WDR5: variants seen among roughly 807,000 people sequenced by gnomAD.
WDR5 encodes WD repeat-containing protein 5.
For missense variants in WDR5, 187 were observed against 416.9 expected, an observed-to-expected ratio of 0.45 and a Z score of 4.80; for synonymous variants, 144 against 161.6, an observed-to-expected ratio of 0.89 and a Z score of 0.83.
chr9:134,148,063 T>G (rs1832295319), intron 7 of WDR5, among the ~76,000 whole-genome samples: 1 of 151,972 alleles, frequency 6.6e-6, no homozygotes, highest in African/African-American at 2.4e-5. Flanking sequence ...CTTGGGAGGC[T>G]GAGGCACGAG....
In WDR5 at chr9:134,157,542, C is replaced by T. The variant is rs1021341400; in HGVS notation, c.905-351C>T. Among the ~76,000 whole-genome samples the T allele has an allele frequency of 3.9e-5, 6 of 152,122 alleles. No homozygotes were observed. Among genetic ancestry groups the T allele is most frequent in the South Asian group, 4.1e-4 (2 of 4,828 alleles). ...GAGGGGTCTGACTGCAGTCCTTGTG[C>T]GCGCCAGCCTCTGAGCCAGTCCTGC... On this transcript the variant is annotated intron_variant, in intron 13 of 13. Transcript: ENST00000358625. This position sits in a 1 kb window ranked among gnomAD's most constrained non-coding sequence, Gnocchi z 5.0.
chr9:134,150,028 C>T (rs1832414825), intron 8 of WDR5, among the ~76,000 whole-genome samples: 1 of 152,178 alleles, frequency 6.6e-6, no homozygotes, highest in Non-Finnish European at 1.5e-5. Flanking sequence ...CAATAGTGAA[C>T]TTTGAAGCTT....
intron 12 of WDR5, 66 bp from the exon 13 acceptor site, chr9:134,156,440 C>A: frequency 6.7e-7 from 1 of 1,496,902 alleles, no homozygotes. Context: ...AGATTCTCTC[C>A]CTTTCACATG....
rs560196933 is a variant in WDR5 at position 134,151,345 on chromosome 9, T to G, written c.585-638T>G. ...TGGGAGGGACCGTGCATGGCGGCCA[T>G]GGGGTCTCGTGCTTGGGGAATGATT... On this transcript the variant is annotated intron_variant, in intron 8 of 13. Coordinates refer to ENST00000358625, the MANE Select transcript of WDR5 (RefSeq NM_017588.3). 3.1e-3 allele frequency among the ~76,000 whole-genome samples: 465 copies of G among 152,248 alleles called. 2 individuals are homozygous for G. The highest frequency in any genetic ancestry group is 9.5e-3 in the South Asian group (46 of 4,824).
intron 7 of WDR5, 139 bp from the exon 8 acceptor site, chr9:134,148,149 T>C: frequency 2.9e-6 from 2 of 686,176 alleles, no homozygotes; most frequent in South Asian, 2.0e-5. Context: ...AGCGAGACTC[T>C]TTCTGAAAAC....
intron 10 of WDR5, among the ~76,000 whole-genome samples, 171 bp downstream of exon 10, chr9:134,154,712 C>T (rs936291484): frequency 5.3e-5 from 8 of 152,172 alleles, no homozygotes; most frequent in Non-Finnish European, 7.3e-5. Context: ...GGCAGGCCCC[C>T]GTCCATCCCT....
chr9:134,137,434 G>C (rs1176287223), intron 1 of WDR5, among the ~76,000 whole-genome samples: 1 of 152,080 alleles, frequency 6.6e-6, no homozygotes, highest in Admixed American at 6.5e-5. Context: ...TGTAATCCTA[G>C]CACTTTGGGA....
At position 134,155,789 on chromosome 9, in the gene WDR5, C is replaced by T. The variant is rs186247376; in HGVS notation, c.816+22C>T. 4.1e-4 allele frequency: 663 copies of T among 1,609,784 alleles called. 1 individual carries two copies. Among genetic ancestry groups the T allele is most frequent in the Admixed American group, 1.1e-3 (63 of 59,954 alleles). ...GAAGGTGAGTCTCATAACCTTGAAG[C>T]GTCTCACCTGTTCCCAGCTTACTCT... On this transcript the variant is annotated intron_variant, in intron 12 of 13. Transcript: ENST00000358625.
At position 134,144,194 on chromosome 9, in the gene WDR5, A is replaced by G. The variant is rs183990745; in HGVS notation, c.528+1475A>G. Among the ~76,000 whole-genome samples, 4 of 152,372 alleles carry G rather than the reference A, an allele frequency of 2.6e-5. No individual in the cohort carries two copies. The East Asian group carries it at 7.7e-4, about 29-fold the overall frequency. ...GAGCCCCGCACATAGCTGGGCCACAAGACCCTCGCGGGCCCAGTGTCACTG... is the reference window on the plus strand; with the variant it reads ...GAGCCCCGCACATAGCTGGGCCACAGGACCCTCGCGGGCCCAGTGTCACTG... On this transcript the variant is annotated intron_variant, in intron 7 of 13. Coordinates refer to ENST00000358625, the MANE Select transcript of WDR5 (RefSeq NM_017588.3).
At chr9:134,138,774 A>G (rs539412531) in intron 1 of WDR5, among the ~76,000 whole-genome samples, 2 of 152,340 alleles carry the variant, frequency 1.3e-5, no homozygotes, top group South Asian at 2.1e-4. Flanking sequence ...TTAGTGTTAC[A>G]ATCAGCCTGT....
At chr9:134,136,499 G>A (rs1368156825) in intron 1 of WDR5, among the ~76,000 whole-genome samples, 1 of 152,078 alleles carries the variant, frequency 6.6e-6, no homozygotes, top group East Asian at 1.9e-4. Context: ...TTTCCCGCAG[G>A]CAGCGTGCCC....
intron 7 of WDR5, among the ~76,000 whole-genome samples, chr9:134,144,931 T>G (rs1832093009): frequency 6.6e-6 from 1 of 152,008 alleles, no homozygotes; most frequent in Non-Finnish European, 1.5e-5. Flanking sequence ...AGTCGGTCCC[T>G]CTGTGGTCTT....
intron 2 of WDR5, 87 bp from the exon 3 acceptor site, chr9:134,140,616 A>C: frequency 9.2e-7 from 1 of 1,090,062 alleles, no homozygotes; most frequent in South Asian, 1.3e-5. Flanking sequence ...TCTGAGCTGA[A>C]ATTAAATGGT....
chr9:134,157,751 C>A lies in WDR5; in HGVS notation c.905-142C>A. Reference sequence around the variant, plus strand: ...CTGGGCTCCCTGTGTCGAAGGTGGGCAGTGGGTGCTTGTCCTGTGACCTCC... The same window carrying A: ...CTGGGCTCCCTGTGTCGAAGGTGGGAAGTGGGTGCTTGTCCTGTGACCTCC... On this transcript the variant is annotated intron_variant, in intron 13 of 13. Transcript: ENST00000358625. The surrounding 1 kb of genome is among the most constrained non-coding windows in gnomAD (Gnocchi z 5.0). 1 of 675,880 alleles carries A rather than the reference C, an allele frequency of 1.5e-6. No individual in the cohort carries two copies. 41.9% of individuals were successfully genotyped at this position (675,880 alleles called of 1,614,324 possible).
At chr9:134,154,681 C>G (rs1164080113) in intron 10 of WDR5, 140 bp downstream of exon 10, 20 of 951,678 alleles carry the variant, frequency 2.1e-5, no homozygotes, top group Non-Finnish European at 3.2e-5. Context: ...GGCTTCTGGG[C>G]AGTGGCCTGT....
chr9:134,150,809 A>G (rs1425862689), intron 8 of WDR5, among the ~76,000 whole-genome samples: 1 of 152,126 alleles, frequency 6.6e-6, no homozygotes, highest in Non-Finnish European at 1.5e-5. Flanking sequence ...CTGCCCTGCT[A>G]GCTACGTGGT....
chr9:134,148,210 TTGAG>T, intron 7 of WDR5, 74 bp from the exon 8 acceptor site: 1 of 361,254 alleles, frequency 2.8e-6, no homozygotes. Context: ...TTTTTTTTTT[TTGAG>T]ATCAGGTAAG....
intron 10 of WDR5, 28 bp from the exon 11 acceptor site, chr9:134,155,312 C>T: frequency 6.4e-7 from 1 of 1,574,030 alleles, no homozygotes; most frequent in South Asian, 1.2e-5. Flanking sequence ...TCCAGACATG[C>T]CGCCTCACCC....
intron 8 of WDR5, among the ~76,000 whole-genome samples, chr9:134,148,626 C>T (rs938372448): frequency 1.3e-5 from 2 of 152,098 alleles, no homozygotes; most frequent in African/African-American, 2.4e-5. Context: ...TAGACGCTGA[C>T]GTGTGCTGTT....
Sources: allele counts gnomAD v4.1 joint callset (sites outside exome capture counted in the v4.1 genomes callset), GRCh38; gene constraint gnomAD v4.1.1; non-coding constraint Gnocchi (gnomAD v3.1); transcripts MANE v1.5; gene names NCBI Gene and HGNC (gene_info 2026-07-23, HGNC 2026-07-21).